Variants in SCD5 observed in about 807,000 individuals in gnomAD.
SCD5 encodes the protein acyl-CoA-desaturase 4.
A neutral mutation model predicts 30.4 loss-of-function variants in SCD5; 20 were observed. The observed-to-expected ratio is 0.66, with a 90% CI of 0.46 to 0.96. SCD5 has a LOEUF of 0.96. Among genes scored for constraint, SCD5 ranks in the 40% least tolerant of loss-of-function variants. SCD5 has a pLI of 0.00. For missense variants in SCD5, 381 were observed against 443.3 expected (o/e 0.86, Z 1.26); for synonymous variants, 173 against 176.4 (o/e 0.98, Z 0.16).
intron 3 of SCD5, among the ~76,000 whole-genome samples, chr4:82,654,437 T>G (rs537680359): frequency 6.2e-4 from 94 of 152,342 alleles, no homozygotes; most frequent in Non-Finnish European, 1.1e-3. Context: ...GACTAAGAAT[T>G]TGACTCTTAG....
intron 1 of SCD5, among the ~76,000 whole-genome samples, chr4:82,783,060 C>T (rs1318729156): frequency 6.6e-6 from 1 of 152,170 alleles, no homozygotes; most frequent in Non-Finnish European, 1.5e-5. Context: ...CTGGGTCTGG[C>T]CCCCAGAGAT....
chr4:82,633,442 T>C (rs1353790398), intron 4 of SCD5, among the ~76,000 whole-genome samples: 2 of 152,232 alleles, frequency 1.3e-5, no homozygotes, highest in Non-Finnish European at 1.5e-5. Context: ...TGTTTAAACA[T>C]GGGAGTATAG....
chr4:82,702,725 T>TA (rs1319726851), intron 2 of SCD5, among the ~76,000 whole-genome samples: 1 of 152,154 alleles, frequency 6.6e-6, no homozygotes, highest in Non-Finnish European at 1.5e-5. Flanking sequence ...AAACTATCTT[T>TA]AAAAACCCAT....
At chr4:82,770,839 T>C (rs746226644) in intron 1 of SCD5, among the ~76,000 whole-genome samples, 2 of 152,196 alleles carry the variant, frequency 1.3e-5, no homozygotes, top group African/African-American at 4.8e-5. Flanking sequence ...CAGAGTTGGG[T>C]GGATAAATGC....
At chr4:82,669,414 A>G (rs1327332226) in intron 3 of SCD5, among the ~76,000 whole-genome samples, 1 of 152,262 alleles carries the variant, frequency 6.6e-6, no homozygotes, top group Non-Finnish European at 1.5e-5. Context: ...AAACTGAAAA[A>G]AAGTCAACAA....
chr4:82,791,501 C>T (rs1722097893), intron 1 of SCD5, among the ~76,000 whole-genome samples: 1 of 151,928 alleles, frequency 6.6e-6, no homozygotes, highest in African/African-American at 2.4e-5. Context: ...GCTAGAGTGT[C>T]TCGCTCTCCA....
chr4:82,767,439 C>A (rs970126160), intron 1 of SCD5, among the ~76,000 whole-genome samples: 1 of 152,096 alleles, frequency 6.6e-6, no homozygotes, highest in Non-Finnish European at 1.5e-5. Context: ...AAAACTCTCT[C>A]TAGGAAGTCT....
chr4:82,796,489 TC>T (rs1722223918), intron 1 of SCD5, among the ~76,000 whole-genome samples: 1 of 151,518 alleles, frequency 6.6e-6, no homozygotes, highest in African/African-American at 2.4e-5. Flanking sequence ...CAGAGAGCGG[TC>T]CGGAAAGGGC....
chr4:82,680,571 T>C, intron 3 of SCD5, 136 bp downstream of exon 3: 1 of 759,758 alleles, frequency 1.3e-6, no homozygotes. Flanking sequence ...TAAATAGAGA[T>C]AAATCTTATA....
At chr4:82,796,252 A>T (rs1213283002) in intron 1 of SCD5, among the ~76,000 whole-genome samples, 1 of 150,410 alleles carries the variant, frequency 6.6e-6, no homozygotes. Context: ...CCTGGGCGAC[A>T]GAGCGAGACT....
intron 1 of SCD5, among the ~76,000 whole-genome samples, chr4:82,729,482 C>T (rs777307507): frequency 1.3e-5 from 2 of 152,270 alleles, no homozygotes; most frequent in Middle Eastern, 3.4e-3. Context: ...ACCCTCCCCC[C>T]GGCATCTCCC....
chr4:82,679,208 AAAAAAAGAAAG>A (rs1231926203), intron 3 of SCD5, among the ~76,000 whole-genome samples: 102 of 38,058 alleles, frequency 2.7e-3, no homozygotes, highest in African/African-American at 9.5e-3. Flanking sequence ...CCAAAAAAAA[AAAAAAAGAAAG>A]AAAAGAAAGA....
At chr4:82,678,913 T>C (rs1040047024) in intron 3 of SCD5, among the ~76,000 whole-genome samples, 2 of 152,002 alleles carry the variant, frequency 1.3e-5, no homozygotes, top group African/African-American at 4.8e-5. Context: ...ATTGAAAATA[T>C]CTTGTTGGCT....
intron 1 of SCD5, among the ~76,000 whole-genome samples, chr4:82,752,879 G>T (rs903538044): frequency 5.9e-5 from 9 of 152,072 alleles, no homozygotes; most frequent in African/African-American, 2.2e-4. Flanking sequence ...TCCCAAAAAT[G>T]ACATGACTTT....
intron 1 of SCD5, among the ~76,000 whole-genome samples, chr4:82,772,602 T>G (rs181858430): frequency 3.7e-4 from 56 of 152,302 alleles, no homozygotes; most frequent in Non-Finnish European, 4.6e-4. Context: ...GCCTCATACA[T>G]GTCTAGTCTC....
intron 2 of SCD5, among the ~76,000 whole-genome samples, chr4:82,687,018 A>C (rs1728723175): frequency 6.6e-6 from 1 of 152,110 alleles, no homozygotes; most frequent in African/African-American, 2.4e-5. Context: ...TAAAGGTACA[A>C]AAATTAGCTG....
intron 1 of SCD5, among the ~76,000 whole-genome samples, chr4:82,760,585 G>A (rs1258367211): frequency 1.3e-5 from 2 of 151,978 alleles, no homozygotes; most frequent in Non-Finnish European, 2.9e-5. Context: ...TGTAGAGACA[G>A]GGTTTCACCA....
intron 1 of SCD5, among the ~76,000 whole-genome samples, chr4:82,783,562 T>C (rs1217311020): frequency 1.3e-5 from 2 of 152,090 alleles, no homozygotes; most frequent in Non-Finnish European, 2.9e-5. Flanking sequence ...CCCAGCACTT[T>C]GGGAGGCCGA....
At chr4:82,731,160 A>T (rs1720636156) in intron 1 of SCD5, among the ~76,000 whole-genome samples, 1 of 152,212 alleles carries the variant, frequency 6.6e-6, no homozygotes. Flanking sequence ...AGCTGGGGGT[A>T]GGGGCAGAGA....
Sources: allele counts gnomAD v4.1 joint callset (sites outside exome capture counted in the v4.1 genomes callset), GRCh38; gene constraint gnomAD v4.1.1; transcripts MANE v1.5; gene names NCBI Gene and HGNC (gene_info 2026-07-23, HGNC 2026-07-21).